The following ABR variants were observed in gnomAD, a reference collection of about 807,000 sequenced individuals.
The protein encoded by ABR is active breakpoint cluster region-related protein.
Under a neutral mutation model 107.2 loss-of-function variants are expected in ABR, and 35 were observed. The ratio of observed to expected loss-of-function variants is 0.33; its 90% CI spans 0.25 to 0.43. The LOEUF (loss-of-function observed/expected upper bound fraction) is 0.43. ABR is among the 20% of genes least tolerant of loss of function. ABR has a pLI of 1.00. For missense variants in ABR, 815 were observed against 1,115.2 expected (o/e 0.73, Z 3.83); for synonymous variants, 498 against 462.0 (o/e 1.08, Z -1.00).
At chr17:1,132,181 AG>A (rs2039872234) in intron 1 of ABR, among the ~76,000 whole-genome samples, 1 of 151,880 alleles carries the variant, frequency 6.6e-6, no homozygotes, top group South Asian at 2.1e-4. Flanking sequence ...GGCCAACATA[AG>A]GAGACTCTGT....
intron 1 of ABR, among the ~76,000 whole-genome samples, chr17:1,146,454 G>A (rs757444407): frequency 6.6e-6 from 1 of 152,174 alleles, no homozygotes; most frequent in Non-Finnish European, 1.5e-5. Flanking sequence ...GGAATGATAG[G>A]ATTGTTGTGG....
At chr17:1,171,354 A>C (rs988936827) in intron 1 of ABR, among the ~76,000 whole-genome samples, 2 of 152,146 alleles carry the variant, frequency 1.3e-5, no homozygotes, top group African/African-American at 2.4e-5. Context: ...TGATGGCCAC[A>C]TCCTTCCCCA....
At chr17:1,219,105 C>T (rs748333966) in intron 1 of ABR, among the ~76,000 whole-genome samples, 21 of 152,162 alleles carry the variant, frequency 1.4e-4, no homozygotes, top group South Asian at 1.0e-3. Context: ...TGCAGTGGCG[C>T]GATCTCGGCT....
At chr17:1,180,408 G>C (rs2042096072), upstream of ABR, among the ~76,000 whole-genome samples, 1 of 152,170 alleles carries the variant, frequency 6.6e-6, no homozygotes. Context: ...CGTCCTGCGC[G>C]CCGCGGGACG....
chr17:1,085,053 C>T (rs1412090730), intron 4 of ABR, among the ~76,000 whole-genome samples: 2 of 151,502 alleles, frequency 1.3e-5, no homozygotes, highest in African/African-American at 4.9e-5. Context: ...CCACCTGCCT[C>T]GGCCTCCCAA....
In ABR at chr17:1,083,595, G is replaced by A. The variant is rs1486359797; in HGVS notation, c.564C>T (p.Val188=). The part of the protein sequence containing the change: ...ASQLGVYKAF[V]DNYKVALETA... ...TCTCCAGAGCGACTTTATAGTTATCGACAAACGCTTTGTACACACCGAGCT... is the reference window on the plus strand; with the variant it reads ...TCTCCAGAGCGACTTTATAGTTATCAACAAACGCTTTGTACACACCGAGCT... Residue 188 remains valine, a synonymous_variant, in exon 5 of 23, where the codon GTC becomes GTT. Coordinates refer to ENST00000302538, the MANE Select transcript of ABR (RefSeq NM_021962.5). 4 of 1,612,994 alleles carry A rather than the reference G, an allele frequency of 2.5e-6. No homozygotes were observed. Among genetic ancestry groups the A allele is most frequent in the Admixed American group, 1.7e-5 (1 of 59,958 alleles).
intron 16 of ABR, among the ~76,000 whole-genome samples, chr17:1,025,967 A>G (rs990659519): frequency 6.6e-6 from 1 of 152,198 alleles, no homozygotes; most frequent in Non-Finnish European, 1.5e-5. Flanking sequence ...GCTTCAGGAC[A>G]GGGCTCAAGA....
In ABR at chr17:1,037,021, T is replaced by A. The variant is rs569827256; in HGVS notation, c.1791+13029A>T. Reference sequence around the variant, plus strand: ...CATCCTTCCTTCCTTCCATCCTTCCTTCCTTCCATCCATCCACCCATCCAT... The same window carrying A: ...CATCCTTCCTTCCTTCCATCCTTCCATCCTTCCATCCATCCACCCATCCAT... On this transcript the variant is annotated intron_variant, in intron 16 of 22. Transcript: ENST00000302538. This position sits in a 1 kb window ranked among gnomAD's most constrained non-coding sequence, Gnocchi z 4.6. 1.5e-3 allele frequency among the ~76,000 whole-genome samples: 220 copies of A among 143,406 alleles called. No homozygotes were observed. Among genetic ancestry groups the A allele is most frequent in the Non-Finnish European group, 2.4e-3 (161 of 66,946 alleles). 94.1% of individuals were successfully genotyped at this position (143,406 alleles called of 152,430 possible).
chr17:1,192,521 A>C (rs924695202), intron 1 of ABR, among the ~76,000 whole-genome samples: 3 of 151,788 alleles, frequency 2.0e-5, no homozygotes, highest in Admixed American at 2.0e-4. Context: ...TCACACCTGT[A>C]ATCCCAGCAT....
At chr17:1,100,030 G>C (rs928934977) in intron 3 of ABR, among the ~76,000 whole-genome samples, 3 of 151,822 alleles carry the variant, frequency 2.0e-5, no homozygotes, top group Admixed American at 6.6e-5. Flanking sequence ...GGAGGCTGAG[G>C]CAGGAGAATC....
At chr17:1,161,713 C>T (rs550305764) in intron 1 of ABR, among the ~76,000 whole-genome samples, 203 of 152,238 alleles carry the variant, frequency 1.3e-3, no homozygotes, top group African/African-American at 4.8e-3. Context: ...TACCACCACA[C>T]CCAGCTAATT....
At chr17:1,143,567 G>T in intron 1 of ABR, among the ~76,000 whole-genome samples, 1 of 151,780 alleles carries the variant, frequency 6.6e-6, no homozygotes, top group African/African-American at 2.4e-5. Context: ...TGCTGTTGCA[G>T]GAGTTGTTTG....
At chr17:1,208,443 G>A (rs2042837766) in intron 1 of ABR, among the ~76,000 whole-genome samples, 1 of 152,198 alleles carries the variant, frequency 6.6e-6, no homozygotes, top group South Asian at 2.1e-4. Context: ...TGCATGCCAC[G>A]GTCCCCTGTC....
chr17:1,175,710 C>T (rs2041894923), intron 1 of ABR, among the ~76,000 whole-genome samples: 1 of 152,166 alleles, frequency 6.6e-6, no homozygotes, highest in African/African-American at 2.4e-5. Context: ...GCCCAACCCT[C>T]ATCAAATGAC....
chr17:1,025,281 G>A (rs538936857), intron 16 of ABR, among the ~76,000 whole-genome samples: 1 of 152,242 alleles, frequency 6.6e-6, no homozygotes, highest in East Asian at 1.9e-4. Context: ...GGGCGACACA[G>A]CAAGACTCTG....
chr17:1,028,247 T>A (rs147776533), intron 16 of ABR, among the ~76,000 whole-genome samples: 1 of 147,700 alleles, frequency 6.8e-6, no homozygotes, highest in South Asian at 2.2e-4. Context: ...CCCGCCACCA[T>A]GCCCGGCTAT....
chr17:1,112,455 C>T (rs533634194), intron 2 of ABR, among the ~76,000 whole-genome samples: 48 of 152,330 alleles, frequency 3.2e-4, no homozygotes, highest in African/African-American at 1.1e-3. Context: ...TTCAGCAACC[C>T]GGTTGCAGTG....
In ABR at chr17:1,148,970, C is replaced by T. The variant is rs900410012; in HGVS notation, c.62-23603G>A. On this transcript the variant is annotated intron_variant, in intron 1 of 22. Transcript: ENST00000302538. The surrounding 1 kb of genome is among the most constrained non-coding windows in gnomAD (Gnocchi z 4.9). Reference sequence around the variant, plus strand: ...AGGCTGGAGTGCAGTGGCGCCATCTCGGCTCACTGCAAGCTCCGCCTCCTG... The same window carrying T: ...AGGCTGGAGTGCAGTGGCGCCATCTTGGCTCACTGCAAGCTCCGCCTCCTG... Among the ~76,000 whole-genome samples the T allele has an allele frequency of 7.3e-5, 11 of 151,480 alleles. 1 individual carries two copies. Among genetic ancestry groups the T allele is most frequent in the African/African-American group, 9.8e-5 (4 of 41,024 alleles).
intron 22 of ABR, among the ~76,000 whole-genome samples, 198 bp from the exon 23 acceptor site, chr17:1,006,367 C>G (rs1008608312): frequency 5.9e-5 from 9 of 152,206 alleles, no homozygotes; most frequent in South Asian, 4.1e-4. Flanking sequence ...GGCCACTTCC[C>G]CAACCTGGCC....
Sources: gnomAD v4.1 joint callset for allele counts (sites outside exome capture counted in the v4.1 genomes callset) on GRCh38, gnomAD v4.1.1 for gene constraint, Gnocchi (gnomAD v3.1) non-coding constraint, MANE v1.5 for transcripts, NCBI Gene and HGNC (gene_info 2026-07-23, HGNC 2026-07-21) for gene names.